The following RGS6 variants were observed in gnomAD, a reference collection of about 807,000 sequenced individuals.
RGS6 encodes regulator of G protein signaling 6, also known as regulator of G-protein signaling 6.
In RGS6, 30 loss-of-function variants were observed where a neutral mutation model predicts 78.5. That is an observed-to-expected ratio of 0.38 (90% CI 0.29 to 0.52). RGS6 has a LOEUF of 0.52. RGS6 is among the 20% of genes least tolerant of loss of function. The probability of loss-of-function intolerance (pLI) is 0.85; values close to 1 mark genes in which losing one functional copy is unlikely to be tolerated. For synonymous variants in RGS6, 206 were observed against 206.0 expected (o/e 1.00, Z 0.00); for missense variants, 495 against 609.7 (o/e 0.81, Z 1.98).
chr14:72,440,525 G>T (rs1597543911), intron 3 of RGS6, among the ~76,000 whole-genome samples: 1 of 150,150 alleles, frequency 6.7e-6, no homozygotes, highest in Admixed American at 6.7e-5. Flanking sequence ...CGATTCTCCT[G>T]CCTCAGCCTC....
At chr14:71,909,329 C>G in the RGS6 span, among the ~76,000 whole-genome samples, 1 of 152,134 alleles carries the variant, frequency 6.6e-6, no homozygotes, top group African/African-American at 2.4e-5. Flanking sequence ...CTCTTGGGGT[C>G]TGTATCGGGA....
intron 2 of RGS6, among the ~76,000 whole-genome samples, chr14:72,000,559 T>C (rs2083232892): frequency 6.6e-6 from 1 of 152,058 alleles, no homozygotes; most frequent in East Asian, 1.9e-4. Context: ...TGAGGGAGTG[T>C]GTACAGTGGA....
At chr14:71,942,860 T>C (rs1037087762) in intron 1 of RGS6, among the ~76,000 whole-genome samples, 2 of 148,590 alleles carry the variant, frequency 1.3e-5, no homozygotes, top group Admixed American at 1.4e-4. Flanking sequence ...ATGAACAAAA[T>C]AGATCCTCAT....
chr14:72,360,054 A>G (rs1322577273), intron 3 of RGS6, among the ~76,000 whole-genome samples: 1 of 152,170 alleles, frequency 6.6e-6, no homozygotes, highest in Non-Finnish European at 1.5e-5. Flanking sequence ...AATTTAATAA[A>G]AAGATAATAT....
At chr14:71,896,889 C>T in the RGS6 span, among the ~76,000 whole-genome samples, 1 of 152,212 alleles carries the variant, frequency 6.6e-6, no homozygotes, top group Non-Finnish European at 1.5e-5. Flanking sequence ...CTTATTGCTT[C>T]ATCTACCTGT....
At chr14:72,093,941 A>T (rs964074569) in intron 2 of RGS6, among the ~76,000 whole-genome samples, 15 of 152,210 alleles carry the variant, frequency 9.9e-5, no homozygotes, top group Non-Finnish European at 1.3e-4. Context: ...ATTTATCATG[A>T]GTTTACAATC....
At position 72,331,697 on chromosome 14, in the gene RGS6, G is replaced by A. The variant is rs547739833; in HGVS notation, c.85-20398G>A. Among the ~76,000 whole-genome samples the A allele has an allele frequency of 7.2e-5, 11 of 152,022 alleles. No homozygotes were observed. The East Asian group carries it at 2.1e-3, about 29-fold the overall frequency. ...TGACTGCCTCCAGGCACTTTCTTTAGCACAGAGCTCTGGTGATACCTCCCA... is the reference window on the plus strand; with the variant it reads ...TGACTGCCTCCAGGCACTTTCTTTAACACAGAGCTCTGGTGATACCTCCCA... On this transcript the variant is annotated intron_variant, in intron 2 of 17. Coordinates refer to ENST00000553525, the MANE Select transcript of RGS6 (RefSeq NM_001204424.2).
intron 2 of RGS6, among the ~76,000 whole-genome samples, chr14:72,291,760 T>C (rs1361511434): frequency 1.3e-5 from 2 of 152,054 alleles, no homozygotes; most frequent in African/African-American, 4.8e-5. Flanking sequence ...CACATCACAA[T>C]AGCAAATTTT....
intron 7 of RGS6, among the ~76,000 whole-genome samples, chr14:72,466,068 G>C (rs1457918231): frequency 6.6e-6 from 1 of 152,036 alleles, no homozygotes; most frequent in Non-Finnish European, 1.5e-5. Context: ...TTAAAAATAG[G>C]CTAATGACTT....
chr14:72,439,317 T>C (rs1566849889), intron 3 of RGS6, among the ~76,000 whole-genome samples: 1 of 152,202 alleles, frequency 6.6e-6, no homozygotes, highest in Non-Finnish European at 1.5e-5. Flanking sequence ...AGTGAATGCA[T>C]AAACAAAGTA....
the RGS6 span, among the ~76,000 whole-genome samples, chr14:72,603,998 G>C: frequency 6.6e-6 from 1 of 152,166 alleles, no homozygotes; most frequent in East Asian, 1.9e-4. Flanking sequence ...GAGAGTAATA[G>C]TATAGTTTAA....
At position 72,126,178 on chromosome 14, in the gene RGS6, T is replaced by A. The variant is rs116048665; in HGVS notation, c.84+161303T>A. On this transcript the variant is annotated intron_variant, in intron 2 of 17. Transcript: ENST00000553525. ...GGCTCTTTCTTCTTAGCTTTCCCCT[T>A]CATAGAGGAAAGTCCACATTTACTT... 2.0e-3 allele frequency among the ~76,000 whole-genome samples: 309 copies of A among 152,290 alleles called. 1 individual carries two copies. The highest frequency in any genetic ancestry group is 7.1e-3 in the African/African-American group (295 of 41,550).
At chr14:71,950,348 G>A (rs2092156024) in intron 1 of RGS6, among the ~76,000 whole-genome samples, 1 of 152,160 alleles carries the variant, frequency 6.6e-6, no homozygotes, top group African/African-American at 2.4e-5. Context: ...AATAAATGGT[G>A]CTGGGAGACA....
In RGS6 at chr14:72,071,072, A is replaced by AT. The variant is rs374755827; in HGVS notation, c.84+106206dup. 6.4e-3 allele frequency among the ~76,000 whole-genome samples: 965 copies of AT among 151,476 alleles called. 14 individuals carry two copies. The highest frequency in any genetic ancestry group is 0.022 in the African/African-American group (919 of 41,298). ...GACCAGCTGGATGTAGTCGCCTTTG[A>AT]TTTTTTTTTAGTTCTACCACCTATG... On this transcript the variant is annotated intron_variant, in intron 2 of 17. Transcript: ENST00000553525.
At chr14:72,178,327 A>G (rs969236245) in intron 2 of RGS6, among the ~76,000 whole-genome samples, 8 of 152,226 alleles carry the variant, frequency 5.3e-5, no homozygotes, top group Admixed American at 1.3e-4. Flanking sequence ...CTCCAACCAA[A>G]GAACCCAGCC....
chr14:72,003,858 C>G (rs1350453307), intron 2 of RGS6, among the ~76,000 whole-genome samples: 1 of 152,134 alleles, frequency 6.6e-6, no homozygotes, highest in African/African-American at 2.4e-5. Flanking sequence ...CCATATCATT[C>G]AGTCATAGGG....
At chr14:72,159,928 T>G (rs2096829353) in intron 2 of RGS6, among the ~76,000 whole-genome samples, 1 of 152,260 alleles carries the variant, frequency 6.6e-6, no homozygotes. Flanking sequence ...TTGACCAGTT[T>G]TTATAATTTC....
intron 2 of RGS6, among the ~76,000 whole-genome samples, chr14:72,281,060 T>G (rs1381914860): frequency 6.6e-6 from 1 of 152,082 alleles, no homozygotes; most frequent in African/African-American, 2.4e-5. Flanking sequence ...TATTGGTTGC[T>G]ATTAATACAG....
At chr14:72,550,418 T>C (rs17117326) in intron 17 of RGS6, 67,511 of 1,512,426 alleles carry the variant, frequency 0.045, 2,127 homozygotes, top group African/African-American at 0.13. Context: ...TTGTTTGCAC[T>C]AAGCACCAAG....
Sources: gnomAD v4.1 joint callset for allele counts (sites outside exome capture counted in the v4.1 genomes callset) on GRCh38, gnomAD v4.1.1 for gene constraint, MANE v1.5 for transcripts, NCBI Gene and HGNC (gene_info 2026-07-23, HGNC 2026-07-21) for gene names.